Variants in DPYD observed in about 807,000 individuals in gnomAD.
DPYD encodes the protein dihydropyrimidine dehydrogenase.
A neutral mutation model predicts 116.2 loss-of-function variants in DPYD; 109 were observed. The ratio of observed to expected loss-of-function variants is 0.94; its 90% CI spans 0.80 to 1.10. The LOEUF (loss-of-function observed/expected upper bound fraction) is 1.10. Ranked by LOEUF, DPYD falls within the 50% of genes least tolerant of loss-of-function variation. The pLI, the probability that DPYD is intolerant of heterozygous loss-of-function variation, is 0.00. For synonymous variants in DPYD, 440 were observed against 432.0 expected (o/e 1.02, Z -0.23); for missense variants, 1,302 against 1,254.5 (o/e 1.04, Z -0.57).
intron 7 of DPYD, among the ~76,000 whole-genome samples, chr1:97,687,765 G>GT (rs2100939734): frequency 6.6e-6 from 1 of 152,186 alleles, no homozygotes; most frequent in South Asian, 2.1e-4. Flanking sequence ...AGAAAATGTG[G>GT]TACATATACA....
In DPYD at chr1:97,082,417, G is replaced by A. The variant is rs746595648; in HGVS notation, c.2820C>T (p.Asn940=). Residue 940 remains asparagine (N), a synonymous_variant, in exon 22 of 23, where the codon AAC becomes AAT. Coordinates refer to ENST00000370192, the MANE Select transcript of DPYD (RefSeq NM_000110.4). ...QYLGTFGELS[N]VEQVVAMIDE... is the part of the protein sequence containing the mutation. ...CAATCATAGCCACAACTTGCTCTAC[G>A]TTGCTCAATTCACCAAATGTTCCAA... The A allele has an allele frequency of 5.6e-6, 9 of 1,613,488 alleles. No homozygotes were observed. Among genetic ancestry groups the A allele is most frequent in the Non-Finnish European group, 5.9e-6 (7 of 1,179,666 alleles).
chr1:97,744,349 G>T (rs900335966), intron 3 of DPYD, among the ~76,000 whole-genome samples: 1 of 151,902 alleles, frequency 6.6e-6, no homozygotes, highest in African/African-American at 2.4e-5. Flanking sequence ...TCTTTTATTG[G>T]TAACCATCCA....
intron 4 of DPYD, among the ~76,000 whole-genome samples, chr1:97,725,241 T>G (rs979698495): frequency 7.9e-5 from 12 of 151,626 alleles, no homozygotes; most frequent in Non-Finnish European, 1.8e-4. Context: ...CTATATGTAT[T>G]AAAAACTGTA....
At chr1:97,806,787 C>A (rs1015821027) in intron 3 of DPYD, among the ~76,000 whole-genome samples, 1 of 151,848 alleles carries the variant, frequency 6.6e-6, no homozygotes, top group Admixed American at 6.6e-5. Flanking sequence ...AGTATTCTCA[C>A]TCTCCTAAAA....
At chr1:97,313,004 G>A (rs931642874) in intron 16 of DPYD, among the ~76,000 whole-genome samples, 10 of 151,850 alleles carry the variant, frequency 6.6e-5, no homozygotes, top group Non-Finnish European at 1.5e-5. Flanking sequence ...TTGACCATGA[G>A]GCACTACAAA....
At chr1:97,312,142 A>G (rs371059964) in intron 16 of DPYD, among the ~76,000 whole-genome samples, 98 of 151,958 alleles carry the variant, frequency 6.4e-4, no homozygotes, top group Middle Eastern at 6.8e-3. Flanking sequence ...ATATTCCACA[A>G]TAAGAAAATA....
At chr1:97,312,840 T>C (rs1667595669) in intron 16 of DPYD, among the ~76,000 whole-genome samples, 1 of 151,886 alleles carries the variant, frequency 6.6e-6, no homozygotes. Flanking sequence ...TATACTTAAG[T>C]GTGTTCATGC....
At chr1:97,887,593 A>C (rs1672571567) in intron 1 of DPYD, among the ~76,000 whole-genome samples, 1 of 151,784 alleles carries the variant, frequency 6.6e-6, no homozygotes, top group Non-Finnish European at 1.5e-5. Flanking sequence ...TCTTCAATTT[A>C]AAAAAGTATG....
chr1:97,490,341 T>G (rs1678899164), intron 13 of DPYD, among the ~76,000 whole-genome samples: 1 of 148,062 alleles, frequency 6.8e-6, no homozygotes, highest in African/African-American at 2.5e-5. Flanking sequence ...GATAATATAT[T>G]ATATATTACA....
At chr1:97,720,003 T>G (rs941474097) in intron 5 of DPYD, 2 of 984,958 alleles carry the variant, frequency 2.0e-6, no homozygotes, top group African/African-American at 3.5e-5. Context: ...TGAAGGCACA[T>G]GTCTCTGTCT....
chr1:97,316,588 C>T (rs1667868790), intron 16 of DPYD, among the ~76,000 whole-genome samples: 1 of 145,992 alleles, frequency 6.8e-6, no homozygotes, highest in Admixed American at 6.9e-5. Context: ...TCAGATGAAA[C>T]TTCTTCCAGG....
chr1:97,772,675 T>C (rs918335336), intron 3 of DPYD, among the ~76,000 whole-genome samples: 2 of 152,142 alleles, frequency 1.3e-5, no homozygotes, highest in Non-Finnish European at 2.9e-5. Flanking sequence ...ATATTCAGTA[T>C]AGAAGAATCT....
rs565445402 is a variant in DPYD at position 97,173,455 on chromosome 1, GTA to G, written c.2622+19612_2622+19613del. Among the ~76,000 whole-genome samples, 33 of 131,328 alleles carry G rather than the reference GTA, an allele frequency of 2.5e-4. No individual in the cohort carries two copies. The East Asian group carries it at 3.1e-3, about 13-fold the overall frequency. 86.2% of individuals were successfully genotyped at this position (131,328 alleles called of 152,430 possible). ...ATACGTACATATATATGTAAAATGA[GTA>G]TATATATACACACATAATGTGTATA... On this transcript the variant is annotated intron_variant, in intron 20 of 22. Transcript: ENST00000370192.
chr1:97,350,629 G>A (rs1670089966), intron 16 of DPYD, among the ~76,000 whole-genome samples: 1 of 152,134 alleles, frequency 6.6e-6, no homozygotes, highest in Non-Finnish European at 1.5e-5. Context: ...ACTGGCACTA[G>A]TTAAGCACAG....
chr1:97,881,581 A>T (rs1672222659), intron 2 of DPYD, among the ~76,000 whole-genome samples: 1 of 152,088 alleles, frequency 6.6e-6, no homozygotes, highest in South Asian at 2.1e-4. Context: ...TATTATTTTT[A>T]AAATGATAAA....
intron 7 of DPYD, among the ~76,000 whole-genome samples, chr1:97,681,640 C>T (rs1023289337): frequency 1.3e-5 from 2 of 151,734 alleles, no homozygotes; most frequent in African/African-American, 2.4e-5. Flanking sequence ...TAGTAGAATT[C>T]GATGCTATTA....
chr1:97,656,378 G>T (rs1658904288), intron 8 of DPYD, among the ~76,000 whole-genome samples: 1 of 152,042 alleles, frequency 6.6e-6, no homozygotes, highest in African/African-American at 2.4e-5. Flanking sequence ...GAATCAAGGG[G>T]TCTAGCTACT....
chr1:97,680,362 C>T (rs1660367430), intron 7 of DPYD, among the ~76,000 whole-genome samples: 1 of 152,138 alleles, frequency 6.6e-6, no homozygotes. Flanking sequence ...AGCCTGTCCC[C>T]TGCCAACACC....
intron 14 of DPYD, among the ~76,000 whole-genome samples, chr1:97,407,099 A>C (rs4300257): frequency 0.19 from 29,478 of 152,130 alleles, 3,028 homozygotes; most frequent in South Asian, 0.38. Flanking sequence ...ATATTCATTT[A>C]ATAAACTACC....
Sources: allele counts gnomAD v4.1 joint callset (sites outside exome capture counted in the v4.1 genomes callset), GRCh38; gene constraint gnomAD v4.1.1; transcripts MANE v1.5; gene names NCBI Gene and HGNC (gene_info 2026-07-23, HGNC 2026-07-21).